NEDD4L: variants seen among roughly 807,000 people sequenced by gnomAD.
The protein encoded by NEDD4L is E3 ubiquitin-protein ligase NEDD4-like.
NEDD4L carries 54 observed loss-of-function variants against 148.9 expected under a neutral mutation model. The observed-to-expected ratio is 0.36, with a 90% CI of 0.29 to 0.45. NEDD4L has a LOEUF of 0.45. Ranked by LOEUF, NEDD4L falls within the 20% of genes least tolerant of loss-of-function variation. The pLI is 1.00. For synonymous variants in NEDD4L, 433 were observed against 440.7 expected (o/e 0.98, Z 0.22); for missense variants, 856 against 1,233.8 (o/e 0.69, Z 4.59).
At position 58,221,494 on chromosome 18, in the gene NEDD4L, C is replaced by T. The variant is rs62094528; in HGVS notation, c.123-23933C>T. 5.5e-4 allele frequency: 532 copies of T among 960,768 alleles called. 1 individual carries two copies. The highest frequency in any genetic ancestry group is 6.2e-4 in the Non-Finnish European group (498 of 807,564). The allele number at this position is 960,768 out of a possible 1,614,324, so 59.5% of individuals were successfully genotyped here. On this transcript the variant is annotated intron_variant, in intron 2 of 30. Coordinates refer to ENST00000400345, the MANE Select transcript of NEDD4L (RefSeq NM_001144967.3). ...TGGAGCTTGACGCAACCCCCTTTTC[C>T]ACCAACAAGCATTTCTTTCTACCTG...
intron 2 of NEDD4L, among the ~76,000 whole-genome samples, chr18:58,223,428 T>C (rs1379374020): frequency 6.6e-6 from 1 of 152,088 alleles, no homozygotes; most frequent in African/African-American, 2.4e-5. Context: ...GTTTGTTTGG[T>C]GGATGTGGTG....
intron 20 of NEDD4L, among the ~76,000 whole-genome samples, chr18:58,365,680 C>G: frequency 6.6e-6 from 1 of 152,196 alleles, no homozygotes; most frequent in South Asian, 2.1e-4. Context: ...CAGATACAGT[C>G]GACTGCCTTT....
intron 5 of NEDD4L, among the ~76,000 whole-genome samples, chr18:58,292,234 G>C (rs930182698): frequency 1.3e-5 from 2 of 152,164 alleles, no homozygotes; most frequent in African/African-American, 4.8e-5. Context: ...GGACTTGGAG[G>C]CACTGACCCT....
chr18:58,143,119 C>T (rs1226903818), intron 1 of NEDD4L, among the ~76,000 whole-genome samples: 4 of 152,156 alleles, frequency 2.6e-5, no homozygotes, highest in African/African-American at 4.8e-5. Flanking sequence ...CAGGTACTGG[C>T]GTAGCTAGTT....
chr18:58,290,469 A>T (rs1221804150), intron 5 of NEDD4L, among the ~76,000 whole-genome samples: 2 of 129,112 alleles, frequency 1.5e-5, no homozygotes, highest in Non-Finnish European at 3.3e-5. Context: ...CCAGCATAAA[A>T]GCTTGGAGGT....
chr18:58,251,989 T>C lies in NEDD4L; in HGVS notation c.244-12T>C. On this transcript the variant is annotated splice_polypyrimidine_tract_variant and intron_variant, in intron 4 of 30. Coordinates refer to ENST00000400345, the MANE Select transcript of NEDD4L (RefSeq NM_001144967.3). Reference sequence around the variant, plus strand: ...CTGCTCGTTTAAAAAATACTATTTATGTTCCTTATAGGTAAACCCATCTAA... The same window carrying C: ...CTGCTCGTTTAAAAAATACTATTTACGTTCCTTATAGGTAAACCCATCTAA... 1 of 1,479,098 alleles carries C rather than the reference T, an allele frequency of 6.8e-7. No homozygotes were observed. The highest frequency in any genetic ancestry group is 9.5e-7 in the Non-Finnish European group (1 of 1,057,272). The allele number at this position is 1,479,098 out of a possible 1,614,324, so 91.6% of individuals were successfully genotyped here.
chr18:58,084,986 C>T (rs1341765267), intron 1 of NEDD4L, among the ~76,000 whole-genome samples: 1 of 151,960 alleles, frequency 6.6e-6, no homozygotes, highest in Admixed American at 6.6e-5. Flanking sequence ...TGAGCCACTG[C>T]GCCCAGCCTG....
chr18:58,207,929 G>GTGTAGTCCCACC (rs1317231465), intron 2 of NEDD4L, among the ~76,000 whole-genome samples: 2 of 152,174 alleles, frequency 1.3e-5, no homozygotes, highest in Non-Finnish European at 2.9e-5. Flanking sequence ...GTGAGTACCT[G>GTGTAGTCCCACC]TGTAGTCCCA....
rs554338108 is a variant in NEDD4L at position 58,098,134 on chromosome 18, G to C, written c.48+53426G>C. Among the ~76,000 whole-genome samples the C allele has an allele frequency of 6.5e-4, 99 of 152,296 alleles. 1 individual carries two copies. Among genetic ancestry groups the C allele is most frequent in the African/African-American group, 2.3e-3 (96 of 41,568 alleles). On this transcript the variant is annotated intron_variant, in intron 1 of 30. Transcript: ENST00000400345. ...AGAATAGTGGTGAAGAATCTGACAA[G>C]TGGCAGAATGCAGGGCCATGGGAAG...
chr18:58,167,437 A>T (rs1016349766), intron 2 of NEDD4L, among the ~76,000 whole-genome samples: 1 of 152,222 alleles, frequency 6.6e-6, no homozygotes, highest in African/African-American at 2.4e-5. Context: ...TTTGCTCTCT[A>T]CCAAAGCCCA....
chr18:58,090,063 C>A (rs538894918), intron 1 of NEDD4L, among the ~76,000 whole-genome samples: 3 of 152,208 alleles, frequency 2.0e-5, no homozygotes, highest in African/African-American at 7.2e-5. Context: ...TGGTCTCGAA[C>A]TCCTGACCTC....
At chr18:58,180,380 G>T (rs1262082197) in intron 2 of NEDD4L, among the ~76,000 whole-genome samples, 1 of 151,758 alleles carries the variant, frequency 6.6e-6, no homozygotes, top group South Asian at 2.1e-4. Context: ...TTAGCACATG[G>T]CGCTAAGATT....
chr18:58,242,916 T>G (rs2046816845), intron 2 of NEDD4L, among the ~76,000 whole-genome samples: 1 of 152,240 alleles, frequency 6.6e-6, no homozygotes, highest in African/African-American at 2.4e-5. Flanking sequence ...CTAATCGATC[T>G]TCCATAGAGT....
At chr18:58,098,000 G>T (rs1445182648) in intron 1 of NEDD4L, among the ~76,000 whole-genome samples, 1 of 152,222 alleles carries the variant, frequency 6.6e-6, no homozygotes, top group African/African-American at 2.4e-5. Flanking sequence ...TTGCACTGCA[G>T]CCTGCGCGAC....
At position 58,121,581 on chromosome 18, in the gene NEDD4L, A is replaced by T. The variant is rs149152674; in HGVS notation, c.49-44207A>T. 7.8e-4 allele frequency among the ~76,000 whole-genome samples: 118 copies of T among 151,916 alleles called. 1 individual carries two copies. The South Asian group carries it at 0.019, about 24-fold the overall frequency. ...CACTACAGCTGGCTAATTAACAAAAATTTTTTTTGTAGAGATGAGGTCTCA... is the reference window on the plus strand; with the variant it reads ...CACTACAGCTGGCTAATTAACAAAATTTTTTTTTGTAGAGATGAGGTCTCA... On this transcript the variant is annotated intron_variant, in intron 1 of 30. Transcript: ENST00000400345.
chr18:58,370,529 T>C (rs1339824469), intron 23 of NEDD4L, 62 bp downstream of exon 23: 8 of 1,076,732 alleles, frequency 7.4e-6, no homozygotes, highest in Non-Finnish European at 1.2e-5. Flanking sequence ...GAGAAGGTAT[T>C]GGAGAGCCAT....
At chr18:58,183,813 T>G (rs2039120389) in intron 2 of NEDD4L, among the ~76,000 whole-genome samples, 3 of 152,214 alleles carry the variant, frequency 2.0e-5, no homozygotes, top group African/African-American at 7.2e-5. Flanking sequence ...TTGAATTATT[T>G]TTGTTTAACT....
chr18:58,182,279 A>G (rs1311607510), intron 2 of NEDD4L, among the ~76,000 whole-genome samples: 2 of 152,142 alleles, frequency 1.3e-5, no homozygotes, highest in Non-Finnish European at 2.9e-5. Context: ...TCATTTTGTA[A>G]TAAAGTCCTT....
chr18:58,103,756 A>G (rs1027803717), intron 1 of NEDD4L, among the ~76,000 whole-genome samples: 40 of 152,240 alleles, frequency 2.6e-4, no homozygotes, highest in Non-Finnish European at 1.0e-4. Context: ...TTATAGAAGA[A>G]ATAGCTGACT....
Sources: allele counts gnomAD v4.1 joint callset (sites outside exome capture counted in the v4.1 genomes callset), GRCh38; gene constraint gnomAD v4.1.1; transcripts MANE v1.5; gene names NCBI Gene and HGNC (gene_info 2026-07-23, HGNC 2026-07-21).